The following MEIG1 variants were observed in gnomAD, a reference collection of about 807,000 sequenced individuals.
MEIG1 encodes the protein meiosis expressed gene 1 protein homolog.
A neutral mutation model predicts 11.3 loss-of-function variants in MEIG1; 12 were observed. The ratio of observed to expected loss-of-function variants is 1.07; its 90% confidence interval spans 0.68 to 1.73. The LOEUF (loss-of-function observed/expected upper bound fraction) is 1.73, where lower values mean the gene tolerates loss of function less well. MEIG1 is among the 40% of genes most tolerant of loss of function. The pLI is 0.00. For synonymous variants in MEIG1, 41 were observed against 33.2 expected (o/e 1.24, Z -0.81); for missense variants, 119 against 104.9 (o/e 1.13, Z -0.59).
At chr10:14,984,237 G>A (rs559650302) in intron 1 of MEIG1, among the ~76,000 whole-genome samples, 5 of 100,782 alleles carry the variant, frequency 5.0e-5, no homozygotes, top group Admixed American at 3.4e-4. Context: ...GATGTGGATC[G>A]TAATATCCAG....
intron 1 of MEIG1, among the ~76,000 whole-genome samples, chr10:14,983,786 G>A (rs530086156): frequency 6.6e-6 from 1 of 151,866 alleles, no homozygotes; most frequent in African/African-American, 2.4e-5. Flanking sequence ...CCAGTGATAC[G>A]GTCCTTAATA....
chr10:14,963,484 G>T (rs1006626427), intron 1 of MEIG1, among the ~76,000 whole-genome samples: 3 of 152,082 alleles, frequency 2.0e-5, no homozygotes, highest in African/African-American at 4.8e-5. Context: ...TATATGAATG[G>T]ATTCTTAGGC....
At chr10:14,957,770 C>T (rs527587011), upstream of MEIG1, among the ~76,000 whole-genome samples, 72 of 152,154 alleles carry the variant, frequency 4.7e-4, no homozygotes, top group Non-Finnish European at 9.3e-4. Context: ...CTCAGCCTCC[C>T]GAGTAGCTGG....
Position 14,985,066 on chromosome 10 carries a change from A to G in MEIG1, n.67-1730A>G, listed in dbSNP as rs111582306. On this transcript the variant is annotated intron_variant and non_coding_transcript_variant, in intron 1 of 2. Transcript: ENST00000467536. ...GATGTTACTACTGATGTCCCAATGC[A>G]GGTACATTCTCTGACATTATTCGTT... Among the ~76,000 whole-genome samples the G allele has an allele frequency of 3.7e-3, 564 of 150,954 alleles. 5 individuals carry two copies. The highest frequency in any genetic ancestry group is 0.013 in the African/African-American group (537 of 40,986).
upstream of MEIG1, among the ~76,000 whole-genome samples, chr10:14,958,267 G>T (rs977172281): frequency 7.7e-4 from 98 of 126,490 alleles, 1 homozygote; most frequent in African/African-American, 3.6e-3. Flanking sequence ...GAGAAAGACC[G>T]GGCTGAAGAG....
chr10:14,964,091 C>T (rs1424487379), intron 1 of MEIG1, among the ~76,000 whole-genome samples: 1 of 100,964 alleles, frequency 9.9e-6, no homozygotes, highest in African/African-American at 3.6e-5. Context: ...AGCGAGACTC[C>T]GTCTCAAAAA....
chr10:14,963,330 G>T (rs559082175), intron 1 of MEIG1, among the ~76,000 whole-genome samples: 2 of 150,430 alleles, frequency 1.3e-5, no homozygotes, highest in African/African-American at 4.9e-5. Context: ...CCCGACCTCA[G>T]GTGATCCACC....
chr10:14,973,476 A>C (rs1031999885), downstream of MEIG1, among the ~76,000 whole-genome samples: 1 of 152,080 alleles, frequency 6.6e-6, no homozygotes, highest in Non-Finnish European at 1.5e-5. Flanking sequence ...TAGTGATAGA[A>C]ATCTCCCAGC....
chr10:14,960,052 G>A (rs1307947297), intron 1 of MEIG1, among the ~76,000 whole-genome samples: 1 of 152,166 alleles, frequency 6.6e-6, no homozygotes, highest in Non-Finnish European at 1.5e-5. Flanking sequence ...GCGTGCTTTC[G>A]GAACCGCTTT....
At chr10:14,984,292 A>G (rs776900659) in intron 1 of MEIG1, among the ~76,000 whole-genome samples, 4 of 151,598 alleles carry the variant, frequency 2.6e-5, no homozygotes, top group African/African-American at 9.7e-5. Flanking sequence ...TTCCGAGGAG[A>G]TTTCGTCTAC....
chr10:14,966,483 C>G lies in MEIG1; in HGVS notation c.15C>G (p.Asp5Glu). The G allele has an allele frequency of 3.1e-6, 5 of 1,608,082 alleles. No homozygotes were observed. The highest frequency in any genetic ancestry group is 1.1e-5 in the South Asian group (1 of 89,490). Residue 5 changes from aspartate to glutamate, a missense_variant, in exon 2 of 3, where the codon GAC becomes GAG. Asp to Glu is a conservative substitution (Grantham distance 45, BLOSUM62 2). Transcript: ENST00000407572. MASSDVKPKSVSHAK... is the reference protein window; with the variant it reads MASSEVKPKSVSHAK... Reference sequence around the variant, plus strand: ...CCTCTGTAACCATGGCTAGTTCTGACGTAAAACCAAAATCAGTAAGTCATG... The same window carrying G: ...CCTCTGTAACCATGGCTAGTTCTGAGGTAAAACCAAAATCAGTAAGTCATG...
intron 1 of MEIG1, among the ~76,000 whole-genome samples, chr10:14,981,025 G>A (rs1417750715): frequency 2.6e-5 from 4 of 152,132 alleles, no homozygotes; most frequent in Non-Finnish European, 4.4e-5. Flanking sequence ...ACAGGCAGGA[G>A]GGGAGTGTTC....
chr10:14,967,753 C>G (rs990408204), intron 2 of MEIG1, among the ~76,000 whole-genome samples: 2 of 152,162 alleles, frequency 1.3e-5, no homozygotes, highest in Admixed American at 6.6e-5. Context: ...TTAACAGAAA[C>G]TCTTGCCCAT....
rs545765396 is a variant in MEIG1 at position 14,981,107 on chromosome 10, A to G, written n.67-5689A>G. Among the ~76,000 whole-genome samples, 12 of 152,108 alleles carry G rather than the reference A, an allele frequency of 7.9e-5. No homozygotes were observed. In the East Asian group the frequency reaches 1.2e-3, roughly 15 times the overall value. ...TGAGACGGACCTGGATACCTTGAAG[A>G]GCTTCTCTGGTGACCGGGTCCTGTT... On this transcript the variant is annotated intron_variant and non_coding_transcript_variant, in intron 1 of 2. Transcript: ENST00000467536.
downstream of MEIG1, among the ~76,000 whole-genome samples, chr10:14,975,997 T>C (rs1402502233): frequency 3.3e-5 from 5 of 152,182 alleles, no homozygotes; most frequent in Admixed American, 1.3e-4. Flanking sequence ...AAGATATTAC[T>C]GACAATAACG....
intron 1 of MEIG1, among the ~76,000 whole-genome samples, chr10:14,978,713 T>A (rs1271410717): frequency 6.6e-6 from 1 of 151,984 alleles, no homozygotes; most frequent in Non-Finnish European, 1.5e-5. Flanking sequence ...AGCCGTGATA[T>A]CCTAAAAAGA....
downstream of MEIG1, among the ~76,000 whole-genome samples, chr10:14,976,237 G>A (rs1291944935): frequency 2.0e-5 from 3 of 151,206 alleles, no homozygotes; most frequent in Non-Finnish European, 4.4e-5. Context: ...GATGCCACTA[G>A]TAAAGTCACC....
chr10:14,977,196 G>T (rs1454074502), downstream of MEIG1, among the ~76,000 whole-genome samples: 2 of 151,888 alleles, frequency 1.3e-5, no homozygotes, highest in East Asian at 3.9e-4. Flanking sequence ...ACTCCTATTG[G>T]CACAGAAGAT....
chr10:14,954,384 C>G, the MEIG1 span: 7 of 362,876 alleles, frequency 1.9e-5, no homozygotes, highest in Admixed American at 2.6e-4. Context: ...CCCCAGCCGA[C>G]GAGGTGAGTG....
Sources: gnomAD v4.1 joint callset for allele counts (sites outside exome capture counted in the v4.1 genomes callset) on GRCh38, gnomAD v4.1.1 for gene constraint, MANE v1.5 for transcripts, NCBI Gene and HGNC (gene_info 2026-07-23, HGNC 2026-07-21) for gene names.